Variants in C9orf50 observed in about 807,000 individuals in gnomAD.
The protein encoded by C9orf50 is uncharacterized protein C9orf50.
A neutral mutation model predicts 42.5 loss-of-function variants in C9orf50; 33 were observed. The ratio of observed to expected loss-of-function variants is 0.78; its 90% CI spans 0.59 to 1.04. The LOEUF (loss-of-function observed/expected upper bound fraction) is 1.04. Ranked by LOEUF, C9orf50 falls within the 50% of genes least tolerant of loss-of-function variation. The probability of loss-of-function intolerance (pLI) is 0.00; values close to 1 mark genes in which losing one functional copy is unlikely to be tolerated. For synonymous variants in C9orf50, 257 were observed against 273.4 expected (o/e 0.94, Z 0.59); for missense variants, 547 against 594.3 (o/e 0.92, Z 0.83).
rs563754481 is a variant in C9orf50 at position 129,613,378 on chromosome 9, G to C, written c.1043+57C>G. 21 of 1,596,634 alleles carry C rather than the reference G, an allele frequency of 1.3e-5. No homozygotes were observed. In the African/African-American group the frequency reaches 2.4e-4, roughly 18 times the overall value. On this transcript the variant is annotated intron_variant, in intron 5 of 6. Coordinates refer to ENST00000372478, the Ensembl canonical transcript of C9orf50. This position sits in a 1 kb window ranked among gnomAD's most constrained non-coding sequence, Gnocchi z 6.2. ...CTGGGTGGGGAGGTCTGTAGGCAAG[G>C]GGGGTGGAGGGCCCTGGCAATGTCC...
At chr9:129,612,412 G>C in exon 7 of C9orf50, 1 of 1,612,832 alleles carries the variant, frequency 6.2e-7, no homozygotes, top group Non-Finnish European at 8.5e-7. Context: ...GGGCAGCCTT[G>C]CTTCAGGACC....
rs761365667 is a variant in C9orf50 at position 129,620,547 on chromosome 9, C to T, written c.28G>A (p.Ala10Thr). 1 of 1,402,500 alleles carries T rather than the reference C, an allele frequency of 7.1e-7. No individual in the cohort carries two copies. Among genetic ancestry groups the T allele is most frequent in the Non-Finnish European group, 9.3e-7 (1 of 1,075,218 alleles). The allele number at this position is 1,402,500 out of a possible 1,614,324, so 86.9% of individuals were successfully genotyped here. Residue 10 changes from alanine to threonine, a missense_variant, in exon 1 of 7, where the codon GCC becomes ACC. Around this residue, in one of 3 missense-constraint regions of C9orf50, gnomAD observed 105 missense variants for 98.5 expected, o/e 1.07. Transcript: ENST00000372478. The surrounding 1 kb of genome is among the most constrained non-coding windows in gnomAD (Gnocchi z 5.8). ...AGCCCCTTGGGCGCCAGGTCCTGGG[C>T]CCCTGGGCGAAGTCGACGCCAGAAC... is the stretch of plus-strand genomic sequence containing the variant.
At chr9:129,621,075 G>C (rs765685744), upstream of C9orf50, among the ~76,000 whole-genome samples, 1 of 152,242 alleles carries the variant, frequency 6.6e-6, no homozygotes, top group Admixed American at 6.5e-5. Context: ...GCCGTGAAAC[G>C]GCATCACCGC....
At chr9:129,612,840 A>G (rs561864267) in intron 6 of C9orf50, among the ~76,000 whole-genome samples, 413 of 152,228 alleles carry the variant, frequency 2.7e-3, no homozygotes, top group African/African-American at 9.7e-3. Flanking sequence ...AAAAAAGCAA[A>G]GAGAGGAGAG....
In C9orf50 at chr9:129,613,394, G is replaced by A. The variant is rs773104164; in HGVS notation, c.1043+41C>T. ...GTAGGCAAGGGGGGTGGAGGGCCCT[G>A]GCAATGTCCACGAGTCCCATCCGCT... On this transcript the variant is annotated intron_variant, in intron 5 of 6. Coordinates refer to ENST00000372478, the Ensembl canonical transcript of C9orf50. The surrounding 1 kb of genome is among the most constrained non-coding windows in gnomAD (Gnocchi z 6.2). 1.2e-6 allele frequency: 2 copies of A among 1,604,384 alleles called. No individual in the cohort carries two copies. Among genetic ancestry groups the A allele is most frequent in the Middle Eastern group, 1.7e-4 (1 of 6,008 alleles).
intron 6 of C9orf50, 112 bp downstream of exon 6, chr9:129,612,993 CAG>C (rs1479050884): frequency 3.6e-6 from 5 of 1,378,036 alleles, no homozygotes; most frequent in Non-Finnish European, 3.0e-6. Flanking sequence ...ACTTGGCTCT[CAG>C]GGAGGGTCCA....
intron 3 of C9orf50, among the ~76,000 whole-genome samples, chr9:129,616,603 C>A (rs1830402343): frequency 6.6e-6 from 1 of 152,136 alleles, no homozygotes; most frequent in Non-Finnish European, 1.5e-5. Flanking sequence ...TCCAAGTCTC[C>A]ATTCTGCAGG....
intron 1 of C9orf50, 42 bp from the exon 2 acceptor site, chr9:129,619,872 C>T: frequency 1.3e-6 from 2 of 1,599,906 alleles, no homozygotes; most frequent in Non-Finnish European, 8.6e-7. Context: ...GGCTGGGGGA[C>T]GGTCCTTTCT....
chr9:129,613,294 C>G lies in C9orf50; in HGVS notation c.1044-43G>C, dbSNP rs778267305. ...CCATGAGCTTCCTGGACTCTGAGTC[C>G]CCGGCCCACCCATGGCTGGCAGGGC... is the stretch of plus-strand genomic sequence containing the variant. On this transcript the variant is annotated intron_variant, in intron 5 of 6. Transcript: ENST00000372478. This position sits in a 1 kb window ranked among gnomAD's most constrained non-coding sequence, Gnocchi z 6.2. 6.4e-7 allele frequency: 1 copy of G among 1,570,970 alleles called. No homozygotes were observed. The highest frequency in any genetic ancestry group is 1.4e-5 in the African/African-American group (1 of 73,646).
chr9:129,616,176 C>A (rs1386699383), intron 3 of C9orf50, among the ~76,000 whole-genome samples: 1 of 152,160 alleles, frequency 6.6e-6, no homozygotes, highest in Non-Finnish European at 1.5e-5. Context: ...CCAGGGTCTG[C>A]AGGACCCAGA....
intron 3 of C9orf50, among the ~76,000 whole-genome samples, chr9:129,616,817 G>A (rs935158616): frequency 2.0e-5 from 3 of 152,092 alleles, no homozygotes; most frequent in Non-Finnish European, 2.9e-5. Context: ...GGTGGCTCAC[G>A]CCTGTAATCC....
chr9:129,620,555 C>T lies in C9orf50; in HGVS notation c.20G>A (p.Arg7His). Residue 7 changes from arginine (R) to histidine (H), a missense_variant, in exon 1 of 7, where the codon CGC (arginine) becomes CAC (histidine). Arg to His is a conservative substitution (Grantham distance 29). Around this residue, in one of 3 missense-constraint regions of C9orf50, gnomAD observed 105 missense variants for 98.5 expected, o/e 1.07. Transcript: ENST00000372478. The surrounding 1 kb of genome is among the most constrained non-coding windows in gnomAD (Gnocchi z 5.8). ...GGGCGCCAGGTCCTGGGCCCCTGGG[C>T]GAAGTCGACGCCAGAACATGCTTGG... The T allele has an allele frequency of 7.2e-7, 1 of 1,389,532 alleles. No individual in the cohort carries two copies. The highest frequency in any genetic ancestry group is 1.6e-5 in the South Asian group (1 of 61,440). The allele number at this position is 1,389,532 out of a possible 1,614,324, so 86.1% of individuals were successfully genotyped here.
Position 129,614,545 on chromosome 9 carries a change from G to A in C9orf50, c.880+939C>T, listed in dbSNP as rs541986988. On this transcript the variant is annotated intron_variant, in intron 4 of 6. Transcript: ENST00000372478. This position sits in a 1 kb window ranked among gnomAD's most constrained non-coding sequence, Gnocchi z 4.4. ...GGCACACAGAAAAAGGTGGAGCTTA[G>A]TCAAGGTTATACCAGAGTAAGAACA... is the stretch of plus-strand genomic sequence containing the variant. Among the ~76,000 whole-genome samples the A allele has an allele frequency of 2.6e-5, 4 of 152,200 alleles. No individual in the cohort carries two copies. Among genetic ancestry groups the A allele is most frequent in the Non-Finnish European group, 4.4e-5 (3 of 68,036 alleles).
At position 129,620,551 on chromosome 9, in the gene C9orf50, TGG is replaced by T; in HGVS notation, c.22_23del (p.Pro8ArgfsTer145). 2 of 1,397,316 alleles carry T rather than the reference TGG, an allele frequency of 1.4e-6. No homozygotes were observed. Among genetic ancestry groups the T allele is most frequent in the Non-Finnish European group, 1.9e-6 (2 of 1,072,474 alleles). 86.6% of individuals were successfully genotyped at this position (1,397,316 alleles called of 1,614,324 possible). ...CCTTGGGCGCCAGGTCCTGGGCCCC[TGG>T]GCGAAGTCGACGCCAGAACATGCTT... On this transcript the variant is annotated frameshift_variant, in exon 1 of 7. Transcript: ENST00000372478. LOFTEE classifies it high-confidence loss of function. The surrounding 1 kb of genome is among the most constrained non-coding windows in gnomAD (Gnocchi z 5.8).
rs1214688073 is a variant in C9orf50 at position 129,614,645 on chromosome 9, T to TGCACTTTGGGAGGCATGA, written c.880+838_880+839insTCATGCCTCCCAAAGTGC. Among the ~76,000 whole-genome samples, 1 of 152,192 alleles carries TGCACTTTGGGAGGCATGA rather than the reference T, an allele frequency of 6.6e-6. No individual in the cohort carries two copies. Among genetic ancestry groups the TGCACTTTGGGAGGCATGA allele is most frequent in the Non-Finnish European group, 1.5e-5 (1 of 68,032 alleles). ...ATGGCCAGGCGCGGTGGCTCATGCC[T>TGCACTTTGGGAGGCATGA]GTAATCCCAGCACTTTGGGAGGCAG... On this transcript the variant is annotated intron_variant, in intron 4 of 6. Coordinates refer to ENST00000372478, the Ensembl canonical transcript of C9orf50. The surrounding 1 kb of genome is among the most constrained non-coding windows in gnomAD (Gnocchi z 4.4).
In C9orf50 at chr9:129,613,841, G is replaced by A. The variant is rs539885971; in HGVS notation, c.881-244C>T. Among the ~76,000 whole-genome samples the A allele has an allele frequency of 2.0e-5, 3 of 152,332 alleles. No individual in the cohort carries two copies. The highest frequency in any genetic ancestry group is 1.9e-4 in the East Asian group (1 of 5,184). ...CCCCACTCACGCTGCAGCCGGAAGC[G>A]TGCCCCCTTTCTCGCAGTGGGGAGA... is the stretch of plus-strand genomic sequence containing the variant. On this transcript the variant is annotated intron_variant, in intron 4 of 6. Transcript: ENST00000372478. The surrounding 1 kb of genome is among the most constrained non-coding windows in gnomAD (Gnocchi z 6.2).
chr9:129,619,367 A>G (rs1417647240), intron 3 of C9orf50, among the ~76,000 whole-genome samples, 153 bp downstream of exon 3: 1 of 152,172 alleles, frequency 6.6e-6, no homozygotes, highest in African/African-American at 2.4e-5. Context: ...ATGGGTTGGT[A>G]GAAGATCTGA....
Position 129,615,503 on chromosome 9 carries a change from G to T in C9orf50, c.861C>A (p.Tyr287Ter). 6.2e-7 allele frequency: 1 copy of T among 1,603,820 alleles called. No homozygotes were observed. The highest frequency in any genetic ancestry group is 1.1e-5 in the South Asian group (1 of 89,774). The change falls in exon 4 of 7, where the codon TAC becomes TAA. Residue 287 changes from tyrosine to a stop codon, truncating the protein, a stop_gained. Coordinates refer to ENST00000372478, the Ensembl canonical transcript of C9orf50. LOFTEE classifies it high-confidence loss of function. The stretch of plus-strand genomic sequence containing the variant: ...GCTTACCTGAGCGTCTGCGCTCCCA[G>T]TAGCGGAGCGTTGTGTCCTGCAGGG...
chr9:129,615,440 T>A, intron 4 of C9orf50, 44 bp downstream of exon 4: 1 of 1,521,416 alleles, frequency 6.6e-7, no homozygotes, highest in Non-Finnish European at 8.8e-7. Flanking sequence ...CCCTCCTGGC[T>A]AGAACTTTCG....
Sources: allele counts gnomAD v4.1 joint callset (sites outside exome capture counted in the v4.1 genomes callset), GRCh38; gene constraint gnomAD v4.1.1; regional missense constraint gnomAD v4.1.1; non-coding constraint Gnocchi (gnomAD v3.1); transcripts MANE v1.5; gene names NCBI Gene and HGNC (gene_info 2026-07-23, HGNC 2026-07-21).